Variants in LHX8 observed in about 807,000 individuals in gnomAD.
LHX8 encodes LIM/homeobox protein Lhx8.
Under a neutral mutation model 40.3 loss-of-function variants are expected in LHX8, and 12 were observed. That is an observed-to-expected ratio of 0.30 (90% CI 0.19 to 0.48). The LOEUF is 0.48. Among genes scored for constraint, LHX8 ranks in the 20% least tolerant of loss-of-function variants. LHX8 has a pLI of 0.99. For synonymous variants in LHX8, 179 were observed against 162.0 expected (o/e 1.10, Z -0.80); for missense variants, 344 against 433.7 (o/e 0.79, Z 1.84).
chr1:75,148,947 A>G (rs559138996), intron 7 of LHX8, among the ~76,000 whole-genome samples: 27 of 152,324 alleles, frequency 1.8e-4, no homozygotes, highest in African/African-American at 6.3e-4. Flanking sequence ...ATGTGAAAAC[A>G]TTGCTTTTTC....
chr1:75,144,996 C>T (rs1290692896), intron 6 of LHX8, among the ~76,000 whole-genome samples: 1 of 152,014 alleles, frequency 6.6e-6, no homozygotes, highest in South Asian at 2.1e-4. Context: ...TCCAAGGGAA[C>T]GTGGCAATGG....
chr1:75,148,647 G>A lies in LHX8; in HGVS notation c.745G>A (p.Ala249Thr). 1 of 1,613,314 alleles carries A rather than the reference G, an allele frequency of 6.2e-7. No individual in the cohort carries two copies. Among genetic ancestry groups the A allele is most frequent in the Non-Finnish European group, 8.5e-7 (1 of 1,179,840 alleles). The change falls in exon 7 of 9, where the codon GCA (alanine) becomes ACA (threonine). Residue 249 changes from alanine (A) to threonine (T), a missense_variant. Ala to Thr is a moderately conservative substitution (Grantham distance 58, BLOSUM62 0). This residue lies in a region of LHX8 where 147 missense variants were observed against 250.8 expected (regional missense o/e 0.59). Coordinates refer to ENST00000356261, the MANE Select transcript of LHX8 (RefSeq NM_001256114.2). Reference sequence around the variant, plus strand: ...AGATGCACAGACACTCCAGAAATTGGCAGAAAGGACAGGCTTGAGCAGACG... The same window carrying A: ...AGATGCACAGACACTCCAGAAATTGACAGAAAGGACAGGCTTGAGCAGACG... ...NPDAQTLQKL[A>T]ERTGLSRRVI... is the part of the protein sequence containing the mutation.
chr1:75,185,853 G>A, the LHX8 span, among the ~76,000 whole-genome samples: 3 of 152,076 alleles, frequency 2.0e-5, no homozygotes, highest in Admixed American at 1.3e-4. Flanking sequence ...AAAGTTTCAG[G>A]ATATAAAATT....
chr1:75,154,055 G>T (rs1282847342), intron 7 of LHX8, among the ~76,000 whole-genome samples: 1 of 152,094 alleles, frequency 6.6e-6, no homozygotes, highest in Admixed American at 6.5e-5. Context: ...CTTAGTTTAT[G>T]ATTTAGAAGT....
chr1:75,139,495 C>G (rs776860994), intron 3 of LHX8, among the ~76,000 whole-genome samples: 1 of 152,060 alleles, frequency 6.6e-6, no homozygotes, highest in East Asian at 1.9e-4. Context: ...ACAGAAGGCC[C>G]TAAACAGTGG....
exon 1 of LHX8, chr1:75,128,436 A>G (rs1647876221): frequency 6.6e-6 from 1 of 152,300 alleles, no homozygotes; most frequent in Non-Finnish European, 1.5e-5. Context: ...AAGTGGGCAG[A>G]GGCAAGAGGC....
Position 75,137,134 on chromosome 1 carries a change from GCTC to G in LHX8, c.117_119del (p.Ser40del). 1 of 1,611,026 alleles carries G rather than the reference GCTC, an allele frequency of 6.2e-7. No homozygotes were observed. The highest frequency in any genetic ancestry group is 1.1e-5 in the South Asian group (1 of 90,978). On this transcript the variant is annotated inframe_deletion, in exon 3 of 9. Coordinates refer to ENST00000356261, the MANE Select transcript of LHX8 (RefSeq NM_001256114.2). ...GAGGGAGCGGGGGACGAGGACTCGT[GCTC>G]CTCCTCGGCCCCGCTGTCCCCGTCG...
At chr1:75,174,630 G>A in the LHX8 span, among the ~76,000 whole-genome samples, 2 of 151,964 alleles carry the variant, frequency 1.3e-5, no homozygotes, top group Non-Finnish European at 2.9e-5. Flanking sequence ...TGAAATTTCA[G>A]CCTCAAAAGC....
At chr1:75,150,975 G>A (rs929548803) in intron 7 of LHX8, among the ~76,000 whole-genome samples, 13 of 151,974 alleles carry the variant, frequency 8.6e-5, no homozygotes, top group Non-Finnish European at 1.3e-4. Flanking sequence ...GTGCCTAGCC[G>A]GAAAATAATT....
chr1:75,195,732 G>C, the LHX8 span, among the ~76,000 whole-genome samples: 1 of 151,550 alleles, frequency 6.6e-6, no homozygotes, highest in Non-Finnish European at 1.5e-5. Context: ...GTCAAAACAT[G>C]AGACTCATCT....
chr1:75,197,721 G>T, the LHX8 span, among the ~76,000 whole-genome samples: 3 of 152,110 alleles, frequency 2.0e-5, no homozygotes, highest in Non-Finnish European at 2.9e-5. Context: ...CACCTATAAG[G>T]CTGGAAATAG....
downstream of LHX8, among the ~76,000 whole-genome samples, chr1:75,164,366 C>G (rs1268109860): frequency 6.6e-6 from 1 of 152,096 alleles, no homozygotes; most frequent in Non-Finnish European, 1.5e-5. Flanking sequence ...TTCCAGATGC[C>G]ATAATCTTAA....
chr1:75,160,585 T>C, intron 8 of LHX8: 1 of 548,068 alleles, frequency 1.8e-6, no homozygotes, highest in Non-Finnish European at 3.3e-6. Flanking sequence ...ATGGAGGACA[T>C]TAAAATGGCA....
At chr1:75,198,348 TA>T in the LHX8 span, among the ~76,000 whole-genome samples, 3 of 152,158 alleles carry the variant, frequency 2.0e-5, no homozygotes, top group Non-Finnish European at 4.4e-5. Context: ...AAGGGAGTGG[TA>T]AAGTCCAGGT....
chr1:75,135,469 G>A (rs1648094578), intron 1 of LHX8, among the ~76,000 whole-genome samples: 1 of 152,194 alleles, frequency 6.6e-6, no homozygotes, highest in African/African-American at 2.4e-5. Context: ...TCCCGCGTAG[G>A]GAGCGCACCC....
the LHX8 span, among the ~76,000 whole-genome samples, chr1:75,188,200 A>C: frequency 2.0e-5 from 3 of 152,026 alleles, no homozygotes; most frequent in South Asian, 2.1e-4. Context: ...TTTCATGTTA[A>C]GTGGCTGTAA....
At chr1:75,171,273 T>G in the LHX8 span, among the ~76,000 whole-genome samples, 1 of 152,116 alleles carries the variant, frequency 6.6e-6, no homozygotes, top group Non-Finnish European at 1.5e-5. Flanking sequence ...AGTTAATCAT[T>G]TGAGTGAGTA....
At chr1:75,197,323 A>G in the LHX8 span, among the ~76,000 whole-genome samples, 5 of 152,150 alleles carry the variant, frequency 3.3e-5, no homozygotes, top group Admixed American at 2.0e-4. Flanking sequence ...TTAGCATTCT[A>G]AATATATCCT....
the LHX8 span, among the ~76,000 whole-genome samples, chr1:75,190,768 C>G: frequency 6.6e-6 from 1 of 152,076 alleles, no homozygotes; most frequent in Non-Finnish European, 1.5e-5. Flanking sequence ...TAGAGATAAA[C>G]AAAATGTTAC....
Sources: gnomAD v4.1 joint callset for allele counts (sites outside exome capture counted in the v4.1 genomes callset) on GRCh38, gnomAD v4.1.1 for gene constraint, gnomAD v4.1.1 regional missense constraint, MANE v1.5 for transcripts, NCBI Gene and HGNC (gene_info 2026-07-23, HGNC 2026-07-21) for gene names.